USP22: variants seen among roughly 807,000 people sequenced by gnomAD.
USP22 encodes ubiquitin carboxyl-terminal hydrolase 22.
In USP22, 22 loss-of-function variants were observed where a neutral mutation model predicts 68.1. The ratio of observed to expected loss-of-function variants is 0.32; its 90% CI spans 0.23 to 0.46. The LOEUF is 0.46. Ranked by LOEUF, USP22 falls within the 20% of genes least tolerant of loss-of-function variation. The probability of loss-of-function intolerance (pLI) is 1.00; values close to 1 mark genes in which losing one functional copy is unlikely to be tolerated. For missense variants in USP22, 433 were observed against 695.8 expected, an observed-to-expected ratio of 0.62 and a Z score of 4.25; for synonymous variants, 279 against 274.2, an observed-to-expected ratio of 1.02 and a Z score of -0.17.
chr17:21,007,766 G>A, intron 9 of USP22, 104 bp downstream of exon 9: 2 of 1,415,994 alleles, frequency 1.4e-6, no homozygotes, highest in South Asian at 1.3e-5. Context: ...CCTGCTTGCT[G>A]CAATTATAAA....
At position 21,002,689 on chromosome 17, in the gene USP22, TG is replaced by T; in HGVS notation, c.*341del. ...GTAGGGGCCTTTCCACACCGAGTGCTGGGGAACGCCAGGCAGCGGTCACTCT... is the reference window on the plus strand; with the variant it reads ...GTAGGGGCCTTTCCACACCGAGTGCTGGGAACGCCAGGCAGCGGTCACTCT... On this transcript the variant is annotated 3_prime_UTR_variant, in exon 13 of 13. Coordinates refer to ENST00000261497, the MANE Select transcript of USP22 (RefSeq NM_015276.2). The T allele has an allele frequency of 3.1e-6, 1 of 321,212 alleles. No individual in the cohort carries two copies. The highest frequency in any genetic ancestry group is 6.1e-6 in the Non-Finnish European group (1 of 164,734). The allele number at this position is 321,212 out of a possible 1,614,324, so 19.9% of individuals were successfully genotyped here. A position where few individuals can be genotyped will look rare whatever the true frequency, so the allele number is the denominator to read the frequency against.
intron 6 of USP22, 188 bp downstream of exon 6, chr17:21,015,561 CTAG>C (rs1224919103): frequency 1.3e-6 from 1 of 745,882 alleles, no homozygotes; most frequent in Non-Finnish European, 2.0e-6. Flanking sequence ...TAAAAATAAA[CTAG>C]GAGGAGCCTC....
intron 8 of USP22, among the ~76,000 whole-genome samples, chr17:21,008,901 A>G (rs922691005): frequency 6.6e-6 from 1 of 151,992 alleles, no homozygotes; most frequent in Admixed American, 6.6e-5. Flanking sequence ...GACCAACCTG[A>G]CCAACATAAG....
intron 2 of USP22, among the ~76,000 whole-genome samples, chr17:21,028,340 C>T (rs547006292): frequency 5.3e-5 from 8 of 152,296 alleles, no homozygotes; most frequent in South Asian, 2.1e-4. Flanking sequence ...TCAGAACCAT[C>T]GGATGCGAAG....
intron 1 of USP22, among the ~76,000 whole-genome samples, chr17:21,041,471 G>A (rs1356937749): frequency 4.6e-5 from 7 of 152,066 alleles, no homozygotes; most frequent in South Asian, 2.1e-4. Flanking sequence ...GGTAGCAGGA[G>A]CCTGTAATCC....
intron 10 of USP22, chr17:21,006,516 T>TTG (rs1429421094): frequency 6.6e-6 from 1 of 152,016 alleles, no homozygotes; most frequent in African/African-American, 2.4e-5. Flanking sequence ...CATTTTTTTT[T>TTG]TTTTTTTTAG....
At chr17:21,015,934 A>G in intron 5 of USP22, 35 bp from the exon 6 acceptor site, 5 of 1,609,400 alleles carry the variant, frequency 3.1e-6, no homozygotes, top group Non-Finnish European at 4.2e-6. Flanking sequence ...CTTGTCAGGA[A>G]TAAATGTAGA....
intron 2 of USP22, among the ~76,000 whole-genome samples, chr17:21,026,926 C>T (rs1053600304): frequency 1.3e-5 from 2 of 151,892 alleles, no homozygotes; most frequent in Non-Finnish European, 2.9e-5. Context: ...CTCAGCTTCC[C>T]GAGTAGCTGG....
At chr17:21,014,756 C>A (rs897053155) in intron 6 of USP22, among the ~76,000 whole-genome samples, 1 of 152,124 alleles carries the variant, frequency 6.6e-6, no homozygotes, top group African/African-American at 2.4e-5. Flanking sequence ...CTAAAAGACT[C>A]CAAGTTAAAA....
rs3047631 is a variant in USP22, at chr17:21,009,972, T to TTTA, written c.1103+1178_1103+1179insTAA. ...AGACTCCGTCTCAAAAAAAAAAAAT[T>TTTA]AAAAAAAAAAAAATCACAAAATCAG... is the stretch of plus-strand genomic sequence containing the variant. On this transcript the variant is annotated intron_variant, in intron 8 of 12. Coordinates refer to ENST00000261497, the MANE Select transcript of USP22 (RefSeq NM_015276.2). 9.8e-4 allele frequency among the ~76,000 whole-genome samples: 139 copies of TTTA among 142,534 alleles called. 2 individuals carry two copies. The South Asian group carries it at 0.012, about 12-fold the overall frequency. 93.5% of individuals were successfully genotyped at this position (142,534 alleles called of 152,430 possible). A position where few individuals can be genotyped will look rare whatever the true frequency, so the allele number is the denominator to read the frequency against.
At chr17:21,018,306 C>T (rs1597693923) in intron 4 of USP22, 195 bp from the exon 5 acceptor site, 3 of 506,330 alleles carry the variant, frequency 5.9e-6, no homozygotes, top group East Asian at 3.4e-5. Flanking sequence ...ATGTCCACCA[C>T]CATGGACCCC....
At chr17:21,010,481 A>G (rs1913924294) in intron 8 of USP22, among the ~76,000 whole-genome samples, 1 of 152,006 alleles carries the variant, frequency 6.6e-6, no homozygotes, top group Non-Finnish European at 1.5e-5. Flanking sequence ...GTTCGAGACT[A>G]GCCTGGCCAA....
intron 10 of USP22, among the ~76,000 whole-genome samples, chr17:21,005,613 G>A (rs1237486830): frequency 6.6e-6 from 1 of 152,148 alleles, no homozygotes; most frequent in Non-Finnish European, 1.5e-5. Context: ...TGATGATATG[G>A]AGCTCTGACT....
intron 10 of USP22, among the ~76,000 whole-genome samples, chr17:21,005,399 G>C (rs1913747775): frequency 6.6e-6 from 1 of 152,222 alleles, no homozygotes; most frequent in South Asian, 2.1e-4. Context: ...CTCCTCAAAA[G>C]GGACAAAGAT....
At chr17:21,010,567 C>T (rs1252939441) in intron 8 of USP22, among the ~76,000 whole-genome samples, 3 of 142,652 alleles carry the variant, frequency 2.1e-5, no homozygotes, top group Admixed American at 1.4e-4. Flanking sequence ...GTCCCAGCTA[C>T]TCAGGAGAAT....
In USP22 at chr17:21,012,849, C is replaced by T; in HGVS notation, c.925G>A (p.Val309Ile). 6.2e-7 allele frequency: 1 copy of T among 1,613,970 alleles called. No homozygotes were observed. The highest frequency in any genetic ancestry group is 8.5e-7 in the Non-Finnish European group (1 of 1,180,002). Residue 309 changes from valine to isoleucine, a missense_variant, in exon 7 of 13, where the codon GTC becomes ATC. By Grantham distance (29) the Val-to-Ile change is conservative. Coordinates refer to ENST00000261497, the MANE Select transcript of USP22 (RefSeq NM_015276.2). The stretch of plus-strand genomic sequence containing the variant: ...ACTTACTGGCAGACTTGGCAGGTGA[C>T]GTCTGACTGCAACCCGCCTGTGAAG... ...QIFTGGLQSDVTCQVCHGVST... is the reference protein window; with the variant it reads ...QIFTGGLQSDITCQVCHGVST...
chr17:21,023,270 G>A (rs983536133), intron 2 of USP22, among the ~76,000 whole-genome samples: 1 of 152,144 alleles, frequency 6.6e-6, no homozygotes, highest in Non-Finnish European at 1.5e-5. Context: ...GGAATAAACT[G>A]TACACCAAAC....
chr17:21,013,106 C>T (rs557120706), intron 6 of USP22, among the ~76,000 whole-genome samples, 171 bp from the exon 7 acceptor site: 7 of 152,284 alleles, frequency 4.6e-5, no homozygotes, highest in East Asian at 3.9e-4. Context: ...TTTAATATGA[C>T]GAGAAATCAC....
Position 21,004,369 on chromosome 17 carries a change from G to C in USP22, c.1386-18C>G, listed in dbSNP as rs538773879. ...GGGAATACCTAGTGCAGGAGCAAAG[G>C]AGAGGGAGGGCGCAGGTGACTTGAT... On this transcript the variant is annotated intron_variant, in intron 11 of 12. Coordinates refer to ENST00000261497, the MANE Select transcript of USP22 (RefSeq NM_015276.2). 8.1e-6 allele frequency: 13 copies of C among 1,612,512 alleles called. No individual in the cohort carries two copies. The highest frequency in any genetic ancestry group is 7.7e-5 in the South Asian group (7 of 91,066).
Sources: gnomAD v4.1 joint callset for allele counts (sites outside exome capture counted in the v4.1 genomes callset) on GRCh38, gnomAD v4.1.1 for gene constraint, MANE v1.5 for transcripts, NCBI Gene and HGNC (gene_info 2026-07-23, HGNC 2026-07-21) for gene names.